Variants in PCDHA4 observed in about 807,000 individuals in gnomAD.
PCDHA4 encodes the protein protocadherin alpha-4.
PCDHA4 carries 49 observed loss-of-function variants against 61.4 expected under a neutral mutation model. The ratio of observed to expected loss-of-function variants is 0.80; its 90% confidence interval spans 0.63 to 1.01. The LOEUF (loss-of-function observed/expected upper bound fraction) is 1.01. Ranked by LOEUF, PCDHA4 falls within the 50% of genes least tolerant of loss-of-function variation. The pLI, the probability that PCDHA4 is intolerant of heterozygous loss-of-function variation, is 0.00. For missense variants in PCDHA4, 1,254 were observed against 1,235.8 expected (o/e 1.01, Z -0.22); for synonymous variants, 590 against 550.3 (o/e 1.07, Z -1.01).
intron 3 of PCDHA4, among the ~76,000 whole-genome samples, chr5:141,002,815 T>G (rs1554258803): frequency 6.6e-6 from 1 of 152,176 alleles, no homozygotes; most frequent in African/African-American, 2.4e-5. Flanking sequence ...GGCTCAGAGA[T>G]ATTTATGTAA....
intron 1 of PCDHA4, among the ~76,000 whole-genome samples, chr5:140,898,180 G>T (rs1216288813): frequency 6.6e-6 from 1 of 152,128 alleles, no homozygotes; most frequent in Non-Finnish European, 1.5e-5. Context: ...CTGTGCAGAA[G>T]CTCTTTAGTT....
intron 3 of PCDHA4, among the ~76,000 whole-genome samples, chr5:141,009,356 G>T (rs535761188): frequency 7.9e-5 from 12 of 152,204 alleles, no homozygotes; most frequent in Non-Finnish European, 1.6e-4. Context: ...CTACTTGGGA[G>T]GCTAAGATGG....
At chr5:140,877,166 T>C in intron 1 of PCDHA4, 3 of 1,613,836 alleles carry the variant, frequency 1.9e-6, no homozygotes, top group Non-Finnish European at 2.5e-6. Context: ...GCGCCGGCAC[T>C]GCTGGCGACT....
chr5:140,933,306 G>A (rs1159375359), intron 1 of PCDHA4, among the ~76,000 whole-genome samples: 1 of 151,920 alleles, frequency 6.6e-6, no homozygotes, highest in African/African-American at 2.4e-5. Context: ...AAATAAATAT[G>A]CAATCTCGTA....
intron 1 of PCDHA4, among the ~76,000 whole-genome samples, chr5:140,914,408 T>C (rs917953173): frequency 6.6e-6 from 1 of 152,224 alleles, no homozygotes; most frequent in Non-Finnish European, 1.5e-5. Context: ...GCTCCTGTTT[T>C]GTTTCCATTA....
Position 141,011,060 on chromosome 5 carries a change from A to G in PCDHA4, c.*1123A>G, listed in dbSNP as rs1588257572. On this transcript the variant is annotated 3_prime_UTR_variant, in exon 4 of 4. Coordinates refer to ENST00000530339, the MANE Select transcript of PCDHA4 (RefSeq NM_018907.4). ...AGGTCACTCTGGGGCTGCCTCTTGC[A>G]TGTATTACTAAATAAAATGATCTCT... is the stretch of plus-strand genomic sequence containing the variant. 1.3e-5 allele frequency: 2 copies of G among 153,758 alleles called. No individual in the cohort carries two copies. Among genetic ancestry groups the G allele is most frequent in the Non-Finnish European group, 2.9e-5 (2 of 68,046 alleles). The allele number at this position is 153,758 out of a possible 1,614,324, so 9.5% of individuals were successfully genotyped here. A position where few individuals can be genotyped will look rare whatever the true frequency, so the allele number is the denominator to read the frequency against.
chr5:140,975,686 A>G (rs558112597), intron 1 of PCDHA4, among the ~76,000 whole-genome samples: 1 of 152,328 alleles, frequency 6.6e-6, no homozygotes, highest in East Asian at 1.9e-4. Flanking sequence ...AAAATAGGGT[A>G]TTTTAAACTT....
intron 1 of PCDHA4, among the ~76,000 whole-genome samples, chr5:140,840,971 G>A (rs1237845348): frequency 6.6e-6 from 1 of 152,000 alleles, no homozygotes; most frequent in African/African-American, 2.4e-5. Flanking sequence ...TCCTTATGAA[G>A]AAGAAATCCC....
intron 1 of PCDHA4, chr5:140,870,939 G>C (rs555504652): frequency 6.2e-7 from 1 of 1,613,732 alleles, no homozygotes; most frequent in South Asian, 1.1e-5. Flanking sequence ...AATTGCAGCC[G>C]GCGGCGGGCG....
intron 1 of PCDHA4, chr5:140,842,063 G>C (rs1213934072): frequency 1.2e-6 from 2 of 1,613,830 alleles, no homozygotes; most frequent in African/African-American, 1.3e-5. Flanking sequence ...GTCTGAATAC[G>C]AAGTAAGAAT....
In PCDHA4 at chr5:140,875,833, G is replaced by A. The variant is rs782436615; in HGVS notation, c.2385+66261G>A. 1 of 1,614,220 alleles carries A rather than the reference G, an allele frequency of 6.2e-7. No homozygotes were observed. Among genetic ancestry groups the A allele is most frequent in the Non-Finnish European group, 8.5e-7 (1 of 1,180,044 alleles). On this transcript the variant is annotated intron_variant, in intron 1 of 3. Coordinates refer to ENST00000530339, the MANE Select transcript of PCDHA4 (RefSeq NM_018907.4). ...GCCGCTGCAGGTTTTCCATGTGGAC[G>A]TGGAGGTGAAGGACATTAACGACAA...
intron 1 of PCDHA4, chr5:140,863,395 G>A: frequency 1.1e-6 from 1 of 921,404 alleles, no homozygotes; most frequent in Non-Finnish European, 1.7e-6. Flanking sequence ...GTGCATGCCG[G>A]GCAAGCCCAC....
chr5:140,828,896 C>A lies in PCDHA4; in HGVS notation c.2385+19324C>A, dbSNP rs138760871. On this transcript the variant is annotated intron_variant, in intron 1 of 3. Coordinates refer to ENST00000530339, the MANE Select transcript of PCDHA4 (RefSeq NM_018907.4). ...AGTTATCAGACTGAATGCTTCTGAT[C>A]GGGATGAAGGAGCGAATGGGGCAAT... 63 of 1,614,060 alleles carry A rather than the reference C, an allele frequency of 3.9e-5. No homozygotes were observed. In the Admixed American group the frequency reaches 8.8e-4, roughly 23 times the overall value.
intron 1 of PCDHA4, among the ~76,000 whole-genome samples, chr5:140,818,459 C>G (rs1271079374): frequency 6.6e-6 from 1 of 152,184 alleles, no homozygotes; most frequent in African/African-American, 2.4e-5. Context: ...TCAAAAGAAA[C>G]TTTCCTCCCA....
chr5:140,967,240 C>T, intron 1 of PCDHA4: 1 of 1,613,644 alleles, frequency 6.2e-7, no homozygotes, highest in African/African-American at 1.3e-5. Flanking sequence ...TTCAGGTAAG[C>T]GAATCGGTGG....
chr5:140,987,263 G>C (rs1034230893), intron 3 of PCDHA4, among the ~76,000 whole-genome samples: 14 of 151,908 alleles, frequency 9.2e-5, no homozygotes, highest in Non-Finnish European at 1.8e-4. Context: ...CTCAGGAATG[G>C]GACCCGGCAG....
chr5:140,982,663 A>G (rs2096995052), intron 3 of PCDHA4, 100 bp downstream of exon 3: 5 of 1,473,648 alleles, frequency 3.4e-6, no homozygotes, highest in Admixed American at 2.6e-5. Context: ...TTTTTCTTTT[A>G]TATTTTTGTT....
chr5:141,003,796 G>A (rs2098138988), intron 3 of PCDHA4, among the ~76,000 whole-genome samples: 1 of 152,168 alleles, frequency 6.6e-6, no homozygotes, highest in Non-Finnish European at 1.5e-5. Context: ...ATCCTATTGG[G>A]TTGTAATCTG....
chr5:140,808,283 G>T lies in PCDHA4; in HGVS notation c.1096G>T (p.Gly366Cys). The T allele has an allele frequency of 6.2e-7, 1 of 1,614,216 alleles. No homozygotes were observed. Among genetic ancestry groups the T allele is most frequent in the Non-Finnish European group, 8.5e-7 (1 of 1,180,042 alleles). ...TCCAATTAGAGAGGACGCTCCACTG[G>T]GTACAGTCATCGCCCTGATCAGCGT... is the stretch of plus-strand genomic sequence containing the variant. The part of the protein sequence containing the change: ...SLPIREDAPL[G>C]TVIALISVSD... The change falls in exon 1 of 4, where the codon GGT (glycine) becomes TGT (cysteine). Residue 366 changes from glycine to cysteine, a missense_variant. Physicochemically the swap from Gly to Cys is radical, Grantham distance 159. Transcript: ENST00000530339.
Sources: gnomAD v4.1 joint callset for allele counts (sites outside exome capture counted in the v4.1 genomes callset) on GRCh38, gnomAD v4.1.1 for gene constraint, MANE v1.5 for transcripts, NCBI Gene and HGNC (gene_info 2026-07-23, HGNC 2026-07-21) for gene names.